The following SENP6 variants were observed in gnomAD, a reference collection of about 807,000 sequenced individuals.
SENP6 encodes the protein SUMO specific peptidase 6, also known as sentrin-specific protease 6.
Under a neutral mutation model 134.5 loss-of-function variants are expected in SENP6, and 41 were observed. The ratio of observed to expected loss-of-function variants is 0.30; its 90% CI spans 0.24 to 0.40. The LOEUF is 0.40. Ranked by LOEUF, SENP6 falls within the 10% of genes least tolerant of loss-of-function variation. The probability of loss-of-function intolerance (pLI) is 1.00; values close to 1 mark genes in which losing one functional copy is unlikely to be tolerated. For missense variants in SENP6, 1,248 were observed against 1,312.5 expected (o/e 0.95, Z 0.76); for synonymous variants, 395 against 429.8 (o/e 0.92, Z 1.00).
In SENP6 at chr6:75,606,693, C is replaced by T. The variant is rs550325849; in HGVS notation, c.52+4117C>T. Among the ~76,000 whole-genome samples, 4 of 152,236 alleles carry T rather than the reference C, an allele frequency of 2.6e-5. No individual in the cohort carries two copies. In the East Asian group the frequency reaches 7.7e-4, roughly 29 times the overall value. ...TCCAGAATTTGAAGCAACATGACCC[C>T]CCTAAGAAATGCTCATTGAATCAAT... On this transcript the variant is annotated intron_variant, in intron 1 of 23. Transcript: ENST00000447266.
chr6:75,680,848 A>G (rs979374089), intron 16 of SENP6, among the ~76,000 whole-genome samples: 1 of 152,104 alleles, frequency 6.6e-6, no homozygotes, highest in Non-Finnish European at 1.5e-5. Context: ...ACCTCACAAT[A>G]ATGAGGTAAC....
chr6:75,632,730 A>G lies in SENP6; in HGVS notation c.208-851A>G, dbSNP rs143219181. 1.3e-3 allele frequency among the ~76,000 whole-genome samples: 195 copies of G among 152,280 alleles called. 4 individuals are homozygous for G. The East Asian group carries it at 0.033, about 25-fold the overall frequency. On this transcript the variant is annotated intron_variant, in intron 3 of 23. Transcript: ENST00000447266. ...GGTAGGGCGGTGGATTTAAAGTTTT[A>G]GGGACTTCCAGACTGAATATATCAT... is the stretch of plus-strand genomic sequence containing the variant.
chr6:75,668,707 T>G (rs1042546473), intron 10 of SENP6, among the ~76,000 whole-genome samples: 1 of 152,220 alleles, frequency 6.6e-6, no homozygotes, highest in Non-Finnish European at 1.5e-5. Flanking sequence ...AAAAATGCTC[T>G]TTGAAGAATA....
Position 75,675,984 on chromosome 6 carries a change from G to A in SENP6, c.1551G>A (p.Leu517=), listed in dbSNP as rs1311223221. 1 of 1,612,460 alleles carries A rather than the reference G, an allele frequency of 6.2e-7. No individual in the cohort carries two copies. Among genetic ancestry groups the A allele is most frequent in the Non-Finnish European group, 8.5e-7 (1 of 1,179,266 alleles). ...LQAIPAVYQK[L]SIQLQMNKED... ...CAATTCCAGCAGTTTATCAAAAGCT[G>A]AGCATCCAACTGCAAATGAATAAGG... is the stretch of plus-strand genomic sequence containing the variant. The change falls in exon 13 of 24, where the codon CTG becomes CTA. Residue 517 remains leucine (L), a synonymous_variant. Coordinates refer to ENST00000447266, the MANE Select transcript of SENP6 (RefSeq NM_015571.4).
At position 75,640,809 on chromosome 6, in the gene SENP6, C is replaced by G. The variant is rs879063023; in HGVS notation, c.479+105C>G. 151 of 647,676 alleles carry G rather than the reference C, an allele frequency of 2.3e-4. No individual in the cohort carries two copies. The South Asian group carries it at 3.2e-3, about 14-fold the overall frequency. The allele number at this position is 647,676 out of a possible 1,614,324, so 40.1% of individuals were successfully genotyped here. On this transcript the variant is annotated intron_variant, in intron 6 of 23. Transcript: ENST00000447266. Reference sequence around the variant, plus strand: ...GTTGAATTAGAGTTTATAATTAAAGCTTTTTTTAATTTTAAAGTTTTAGTT... The same window carrying G: ...GTTGAATTAGAGTTTATAATTAAAGGTTTTTTTAATTTTAAAGTTTTAGTT...
rs1766695839 is a variant in SENP6, at chr6:75,602,453, G to GC, written c.-68dup. ...GCGGCGTCTACCCTCCTCCGGCGCG[G>GC]CCCCTCATCCCGGCGAGCACGGCGG... On this transcript the variant is annotated 5_prime_UTR_variant, in exon 1 of 24. Transcript: ENST00000447266. The GC allele has an allele frequency of 6.6e-7, 1 of 1,525,462 alleles. No homozygotes were observed. Among genetic ancestry groups the GC allele is most frequent in the East Asian group, 2.5e-5 (1 of 40,772 alleles). 94.5% of individuals were successfully genotyped at this position (1,525,462 alleles called of 1,614,324 possible).
intron 1 of SENP6, among the ~76,000 whole-genome samples, chr6:75,612,469 C>G (rs2149821321): frequency 6.6e-6 from 1 of 152,222 alleles, no homozygotes. Flanking sequence ...GTAGCTGGGA[C>G]TACAGGCTTG....
chr6:75,676,961 T>TA, intron 13 of SENP6, 69 bp from the exon 14 acceptor site: 1 of 753,052 alleles, frequency 1.3e-6, no homozygotes, highest in Non-Finnish European at 2.2e-6. Flanking sequence ...AATTAATAAT[T>TA]ACTCCTTTTA....
At chr6:75,675,568 T>C (rs1773022998) in intron 12 of SENP6, 100 bp downstream of exon 12, 1 of 759,034 alleles carries the variant, frequency 1.3e-6, no homozygotes, top group Non-Finnish European at 2.1e-6. Context: ...TTTATTAAGA[T>C]GGTTAGTTGT....
At position 75,611,058 on chromosome 6, in the gene SENP6, A is replaced by C. The variant is rs1159398425; in HGVS notation, c.52+8482A>C. The C allele has an allele frequency of 3.1e-5, 4 of 129,786 alleles. No homozygotes were observed. In the East Asian group the frequency reaches 8.2e-4, roughly 27 times the overall value. 8.0% of individuals were successfully genotyped at this position (129,786 alleles called of 1,614,324 possible). On this transcript the variant is annotated intron_variant, in intron 1 of 23. Coordinates refer to ENST00000447266, the MANE Select transcript of SENP6 (RefSeq NM_015571.4). ...AACTGTTTAGTAACCTTGTTGTTTC[A>C]TATATTCAAAAATCTACAACTTTCT...
intron 1 of SENP6, among the ~76,000 whole-genome samples, chr6:75,603,369 A>C (rs1766783721): frequency 6.6e-6 from 1 of 152,184 alleles, no homozygotes; most frequent in Non-Finnish European, 1.5e-5. Flanking sequence ...ATAGAGCTAA[A>C]TGTTATTGTA....
chr6:75,641,634 T>G (rs1430399163), intron 6 of SENP6, among the ~76,000 whole-genome samples: 1 of 152,182 alleles, frequency 6.6e-6, no homozygotes, highest in Admixed American at 6.5e-5. Context: ...ACACATTTCT[T>G]TGAACATTTC....
At chr6:75,711,286 G>T in intron 20 of SENP6, 42 bp from the exon 21 acceptor site, 1 of 1,380,266 alleles carries the variant, frequency 7.2e-7, no homozygotes, top group Non-Finnish European at 1.0e-6. Flanking sequence ...TAGTTATTTA[G>T]ATTATATATT....
At chr6:75,608,983 A>C (rs1241592936) in intron 1 of SENP6, among the ~76,000 whole-genome samples, 2 of 152,216 alleles carry the variant, frequency 1.3e-5, no homozygotes, top group South Asian at 4.1e-4. Flanking sequence ...CAGTGTTGTA[A>C]TGAGAGAGGA....
chr6:75,646,380 AAT>A (rs1770439455), intron 6 of SENP6: 1 of 152,152 alleles, frequency 6.6e-6, no homozygotes, highest in Non-Finnish European at 1.5e-5. Flanking sequence ...ATTGCTATTT[AAT>A]AATTGTGTGA....
intron 1 of SENP6, among the ~76,000 whole-genome samples, chr6:75,618,627 C>T (rs1448780910): frequency 6.6e-6 from 1 of 152,112 alleles, no homozygotes; most frequent in East Asian, 1.9e-4. Context: ...TGCTTCTAGA[C>T]CCTCTAAGAA....
intron 11 of SENP6, among the ~76,000 whole-genome samples, chr6:75,672,200 C>T (rs1178016029): frequency 6.6e-6 from 1 of 152,042 alleles, no homozygotes. Context: ...TCAGGAGTGC[C>T]CTGTAACTTT....
rs1332521461 is a variant in SENP6 at position 75,624,018 on chromosome 6, T to G, written c.207+58T>G. ...CATTATATACAAAAAAATTGTTACC[T>G]CAAAAGATTTAATATTTTTAAATTA... On this transcript the variant is annotated intron_variant, in intron 3 of 23. Transcript: ENST00000447266. 3.0e-6 allele frequency: 4 copies of G among 1,341,454 alleles called. No individual in the cohort carries two copies. In the East Asian group the frequency reaches 9.8e-5, roughly 33 times the overall value. The allele number at this position is 1,341,454 out of a possible 1,614,324, so 83.1% of individuals were successfully genotyped here. A position where few individuals can be genotyped will look rare whatever the true frequency, so the allele number is the denominator to read the frequency against.
At chr6:75,705,589 G>A (rs1195223047) in intron 19 of SENP6, among the ~76,000 whole-genome samples, 1 of 151,914 alleles carries the variant, frequency 6.6e-6, no homozygotes. Flanking sequence ...ACTAGTTTCT[G>A]TTCAAATTCT....
Sources: allele counts gnomAD v4.1 joint callset (sites outside exome capture counted in the v4.1 genomes callset), GRCh38; gene constraint gnomAD v4.1.1; transcripts MANE v1.5; gene names NCBI Gene and HGNC (gene_info 2026-07-23, HGNC 2026-07-21).